SPATA31H1: variants seen among roughly 807,000 people sequenced by gnomAD.
SPATA31H1 encodes the protein SPATA31 subfamily H member 1, also known as spermatogenesis-associated protein 31H1.
the SPATA31H1 span, among the ~76,000 whole-genome samples, chr2:27,555,694 T>A: frequency 9.2e-5 from 14 of 151,848 alleles, 1 homozygote; most frequent in African/African-American, 2.9e-4. Flanking sequence ...GGAAAAAAAA[T>A]ATCTAGGTAG....
chr2:27,578,092 C>T, the SPATA31H1 span: 1 of 1,614,032 alleles, frequency 6.2e-7, no homozygotes, highest in Non-Finnish European at 8.5e-7. Flanking sequence ...ATAGATGTCC[C>T]AAAAGTTGTT....
the SPATA31H1 span, chr2:27,578,083 T>C: frequency 9.9e-6 from 16 of 1,614,136 alleles, no homozygotes; most frequent in African/African-American, 1.3e-5. Context: ...GTAATCCTCA[T>C]AGATGTCCCA....
At chr2:27,574,685 A>T in the SPATA31H1 span, 126 of 398,542 alleles carry the variant, frequency 3.2e-4, 1 homozygote, top group South Asian at 3.1e-3. Context: ...TTAAATCTGT[A>T]GAATTCCACC....
chr2:27,569,456 A>C, the SPATA31H1 span: 84,421 of 398,782 alleles, frequency 0.21, 9,385 homozygotes, highest in East Asian at 0.31. Flanking sequence ...CAGGCACTCA[A>C]TATGAGAAAT....
chr2:27,571,690 T>C, the SPATA31H1 span: 1 of 398,446 alleles, frequency 2.5e-6, no homozygotes, highest in Non-Finnish European at 4.4e-6. Flanking sequence ...CTGACCTCAG[T>C]CCCACAAATG....
At chr2:27,561,499 G>GCAATTATGC in the SPATA31H1 span, among the ~76,000 whole-genome samples, 2 of 152,006 alleles carry the variant, frequency 1.3e-5, no homozygotes, top group Non-Finnish European at 2.9e-5. Flanking sequence ...TTCTTTTTCA[G>GCAATTATGC]CAATTATGCC....
chr2:27,578,318 G>T, the SPATA31H1 span: 2 of 1,614,130 alleles, frequency 1.2e-6, no homozygotes, highest in Non-Finnish European at 1.7e-6. Context: ...CAGTGGAGTT[G>T]ACAGGGTTTC....
chr2:27,567,107 C>A, the SPATA31H1 span: 3 of 710,182 alleles, frequency 4.2e-6, no homozygotes, highest in African/African-American at 5.3e-5. Flanking sequence ...GCTCTTTTAT[C>A]AACTCTATTT....
At chr2:27,560,013 G>A in the SPATA31H1 span, among the ~76,000 whole-genome samples, 8 of 151,820 alleles carry the variant, frequency 5.3e-5, no homozygotes, top group South Asian at 4.2e-4. Flanking sequence ...GACTACAGGC[G>A]CGCACCACCA....
the SPATA31H1 span, among the ~76,000 whole-genome samples, chr2:27,561,589 T>C: frequency 2.0e-5 from 3 of 152,252 alleles, no homozygotes; most frequent in Non-Finnish European, 2.9e-5. Flanking sequence ...TTTTTTTCTA[T>C]GTTCCAGTCT....
At chr2:27,560,866 C>T in the SPATA31H1 span, among the ~76,000 whole-genome samples, 1 of 152,144 alleles carries the variant, frequency 6.6e-6, no homozygotes, top group Non-Finnish European at 1.5e-5. Context: ...ATAATGTGAA[C>T]TTGAGCTGCC....
chr2:27,543,788 A>G, the SPATA31H1 span, among the ~76,000 whole-genome samples: 1 of 151,880 alleles, frequency 6.6e-6, no homozygotes, highest in Non-Finnish European at 1.5e-5. Flanking sequence ...TTAACACCAG[A>G]AGGGCTCCGG....
chr2:27,570,092 A>G, the SPATA31H1 span: 2 of 398,744 alleles, frequency 5.0e-6, no homozygotes, highest in Non-Finnish European at 8.9e-6. Flanking sequence ...TAAGCCCAGG[A>G]CTATTCTTGC....
At chr2:27,577,423 G>C in the SPATA31H1 span, 39 of 1,613,932 alleles carry the variant, frequency 2.4e-5, no homozygotes, top group Admixed American at 1.5e-4. The surrounding 1 kb of genome is among the most constrained non-coding windows in gnomAD (Gnocchi z 4.5). Context: ...GCTGAGGCAA[G>C]GATACAAGCA....
the SPATA31H1 span, among the ~76,000 whole-genome samples, chr2:27,549,403 A>G: frequency 1.3e-5 from 2 of 151,718 alleles, no homozygotes; most frequent in Non-Finnish European, 2.9e-5. Flanking sequence ...CAGTGGCACA[A>G]TCATAGTCAC....
At chr2:27,580,088 T>C in the SPATA31H1 span, 1 of 1,614,056 alleles carries the variant, frequency 6.2e-7, no homozygotes, top group African/African-American at 1.3e-5. Flanking sequence ...GGCTGAGAAT[T>C]GGGAAAAGAT....
the SPATA31H1 span, chr2:27,577,010 T>C: frequency 6.2e-7 from 1 of 1,614,142 alleles, no homozygotes; most frequent in Non-Finnish European, 8.5e-7. This position sits in a 1 kb window ranked among gnomAD's most constrained non-coding sequence, Gnocchi z 4.5. Context: ...TCCCTAAATC[T>C]GCAAATTTGA....
At chr2:27,576,116 A>G in the SPATA31H1 span, 3 of 400,592 alleles carry the variant, frequency 7.5e-6, no homozygotes, top group East Asian at 3.6e-5. Context: ...TAAAATTGCA[A>G]TGTATAGATT....
At chr2:27,555,576 A>AC in the SPATA31H1 span, among the ~76,000 whole-genome samples, 1 of 151,744 alleles carries the variant, frequency 6.6e-6, no homozygotes, top group Admixed American at 6.6e-5. Context: ...CAGGAGGCTG[A>AC]GACAGGATGA....
Sources: gnomAD v4.1 joint callset for allele counts (sites outside exome capture counted in the v4.1 genomes callset) on GRCh38, gnomAD v4.1.1 for gene constraint, Gnocchi (gnomAD v3.1) non-coding constraint, MANE v1.5 for transcripts, NCBI Gene and HGNC (gene_info 2026-07-23, HGNC 2026-07-21) for gene names.